ZNF292: variants seen among roughly 807,000 people sequenced by gnomAD.
ZNF292 encodes the protein zinc finger protein 292.
ZNF292 carries 26 observed loss-of-function variants against 217.9 expected under a neutral mutation model. The ratio of observed to expected loss-of-function variants is 0.12; its 90% CI spans 0.09 to 0.17. The LOEUF is 0.17. Among genes scored for constraint, ZNF292 ranks in the 10% least tolerant of loss-of-function variants. The pLI is 1.00. For synonymous variants in ZNF292, 1,257 were observed against 1,124.1 expected (o/e 1.12, Z -2.37); for missense variants, 2,904 against 3,175.2 (o/e 0.91, Z 2.05).
intron 1 of ZNF292, among the ~76,000 whole-genome samples, chr6:87,214,651 G>C (rs142998434): frequency 2.6e-4 from 40 of 152,140 alleles, no homozygotes; most frequent in African/African-American, 9.2e-4. Flanking sequence ...CAGGTTTTCT[G>C]TCCTTTCTGT....
intron 1 of ZNF292, among the ~76,000 whole-genome samples, chr6:87,186,912 C>G (rs1283770988): frequency 6.6e-6 from 1 of 152,140 alleles, no homozygotes; most frequent in African/African-American, 2.4e-5. Flanking sequence ...AAAATTTTTC[C>G]TCCAACTACT....
chr6:87,186,987 T>C (rs924916423), intron 1 of ZNF292, among the ~76,000 whole-genome samples: 9 of 152,232 alleles, frequency 5.9e-5, no homozygotes, highest in African/African-American at 2.2e-4. Flanking sequence ...GCCTTTGGTG[T>C]GTATGATTTT....
chr6:87,207,697 C>T (rs576385707), intron 1 of ZNF292, among the ~76,000 whole-genome samples: 1 of 152,122 alleles, frequency 6.6e-6, no homozygotes, highest in Non-Finnish European at 1.5e-5. Flanking sequence ...TTTTTCTTAG[C>T]TTAATTTTCT....
intron 5 of ZNF292, among the ~76,000 whole-genome samples, chr6:87,240,466 A>G (rs1186080467): frequency 6.6e-6 from 1 of 152,092 alleles, no homozygotes; most frequent in Non-Finnish European, 1.5e-5. Context: ...CTTGTTGCCC[A>G]GCCTGGAGTG....
chr6:87,239,023 C>G (rs1314302962), intron 5 of ZNF292, among the ~76,000 whole-genome samples: 1 of 152,236 alleles, frequency 6.6e-6, no homozygotes, highest in African/African-American at 2.4e-5. Context: ...AACAGCATCC[C>G]AAGGCAGAAG....
chr6:87,252,759 A>G (rs1774987993), intron 7 of ZNF292, among the ~76,000 whole-genome samples: 1 of 152,164 alleles, frequency 6.6e-6, no homozygotes, highest in Non-Finnish European at 1.5e-5. Context: ...TAAGGCATGT[A>G]ACAGAGATGC....
At chr6:87,219,350 T>C (rs1288922809) in intron 4 of ZNF292, among the ~76,000 whole-genome samples, 1 of 152,192 alleles carries the variant, frequency 6.6e-6, no homozygotes, top group Non-Finnish European at 1.5e-5. Flanking sequence ...TGCCCAAATA[T>C]CACCCTAACC....
chr6:87,201,185 T>C (rs967578374), intron 1 of ZNF292, among the ~76,000 whole-genome samples: 2 of 152,218 alleles, frequency 1.3e-5, no homozygotes, highest in Non-Finnish European at 2.9e-5. Context: ...TATGGCACTA[T>C]GTATTATTTG....
intron 1 of ZNF292, among the ~76,000 whole-genome samples, chr6:87,184,470 CTTT>C (rs35294887): frequency 1.7e-5 from 2 of 115,098 alleles, no homozygotes; most frequent in African/African-American, 3.4e-5. Flanking sequence ...TTACCATAGG[CTTT>C]TTTTTTTTTT....
chr6:87,195,437 T>C (rs1011416121), intron 1 of ZNF292, among the ~76,000 whole-genome samples: 1 of 152,216 alleles, frequency 6.6e-6, no homozygotes, highest in East Asian at 1.9e-4. Flanking sequence ...AAATGGACCG[T>C]CCTATCACAT....
intron 1 of ZNF292, among the ~76,000 whole-genome samples, chr6:87,205,239 A>AT (rs1286285544): frequency 7.2e-5 from 11 of 151,924 alleles, no homozygotes; most frequent in Admixed American, 7.2e-4. Flanking sequence ...CACCTGGCTA[A>AT]TTTTTTAAAT....
At chr6:87,187,485 G>A (rs1272579932) in intron 1 of ZNF292, among the ~76,000 whole-genome samples, 18 of 152,018 alleles carry the variant, frequency 1.2e-4, no homozygotes, top group African/African-American at 3.6e-4. Context: ...TTGGGAGGCC[G>A]AGGTGGGCGG....
At chr6:87,204,554 ATT>A (rs68087857) in intron 1 of ZNF292, among the ~76,000 whole-genome samples, 40 of 63,626 alleles carry the variant, frequency 6.3e-4, no homozygotes, top group African/African-American at 1.7e-3. Flanking sequence ...AACATTTAGG[ATT>A]TTTTTTTTTT....
intron 1 of ZNF292, among the ~76,000 whole-genome samples, chr6:87,169,194 C>T (rs1311084424): frequency 6.6e-6 from 1 of 152,108 alleles, no homozygotes; most frequent in African/African-American, 2.4e-5. Flanking sequence ...AGGTGCGCCA[C>T]CATGCCCAGC....
intron 4 of ZNF292, among the ~76,000 whole-genome samples, chr6:87,230,683 G>A (rs1011117157): frequency 1.6e-4 from 24 of 151,190 alleles, no homozygotes; most frequent in Admixed American, 3.3e-4. Flanking sequence ...GCAGTGAGCC[G>A]AGATTGCGCC....
chr6:87,192,082 A>G (rs568321848), intron 1 of ZNF292, among the ~76,000 whole-genome samples: 1 of 152,354 alleles, frequency 6.6e-6, no homozygotes, highest in South Asian at 2.1e-4. Flanking sequence ...TTAAAGATTC[A>G]CTGACAGATT....
chr6:87,208,034 A>G (rs1216545079), intron 1 of ZNF292, among the ~76,000 whole-genome samples: 3 of 152,174 alleles, frequency 2.0e-5, no homozygotes, highest in African/African-American at 7.2e-5. Flanking sequence ...TAGACCACGT[A>G]TGTCCGAAAA....
At position 87,259,443 on chromosome 6, in the gene ZNF292, G is replaced by A. The variant is rs1562191720; in HGVS notation, c.5814G>A (p.Lys1938=). 5.0e-6 allele frequency: 8 copies of A among 1,592,920 alleles called. No homozygotes were observed. The highest frequency in any genetic ancestry group is 6.8e-6 in the Non-Finnish European group (8 of 1,168,376). Residue 1938 remains lysine, a synonymous_variant, in exon 8 of 8, where the codon AAG becomes AAA. Coordinates refer to ENST00000369577, the MANE Select transcript of ZNF292 (RefSeq NM_015021.3). ...QYTPEMILEI[K]KNQLKFAPFK... Reference sequence around the variant, plus strand: ...CTCCAGAAATGATTCTTGAAATTAAGAAGAATCAATTGAAATTTGCTCCCT... The same window carrying A: ...CTCCAGAAATGATTCTTGAAATTAAAAAGAATCAATTGAAATTTGCTCCCT...
chr6:87,155,639 C>T lies in ZNF292; in HGVS notation c.48C>T (p.Gly16=). 1.9e-6 allele frequency: 3 copies of T among 1,582,102 alleles called. No homozygotes were observed. The highest frequency in any genetic ancestry group is 1.3e-5 in the African/African-American group (1 of 74,558). ...AGGAGAGGTTGAGTTGCGGCGAAGG[C>T]GGCTGCGTCGCGGAGCTGCAGCGCC... is the stretch of plus-strand genomic sequence containing the variant. ...AEQERLSCGE[G]GCVAELQRLG... The change falls in exon 1 of 8, where the codon GGC becomes GGT. Residue 16 remains glycine (G), a synonymous_variant. Coordinates refer to ENST00000369577, the MANE Select transcript of ZNF292 (RefSeq NM_015021.3).
Sources: allele counts gnomAD v4.1 joint callset (sites outside exome capture counted in the v4.1 genomes callset), GRCh38; gene constraint gnomAD v4.1.1; transcripts MANE v1.5; gene names NCBI Gene and HGNC (gene_info 2026-07-23, HGNC 2026-07-21).